The following KIF26B variants were observed in gnomAD, a reference collection of about 807,000 sequenced individuals.
KIF26B encodes kinesin-like protein KIF26B.
Under a neutral mutation model 151.2 loss-of-function variants are expected in KIF26B, and 63 were observed. That is an observed-to-expected ratio of 0.42 (90% CI 0.34 to 0.51). The LOEUF (loss-of-function observed/expected upper bound fraction) is 0.51, where lower values mean the gene tolerates loss of function less well. Ranked by LOEUF, KIF26B falls within the 20% of genes least tolerant of loss-of-function variation. The pLI is 0.07. For synonymous variants in KIF26B, 1,357 were observed against 1,262.1 expected, an observed-to-expected ratio of 1.08 and a Z score of -1.59; for missense variants, 2,813 against 2,913.6, an observed-to-expected ratio of 0.97 and a Z score of 0.79.
intron 2 of KIF26B, among the ~76,000 whole-genome samples, chr1:245,308,553 C>G (rs1671602701): frequency 6.6e-6 from 1 of 152,192 alleles, no homozygotes; most frequent in East Asian, 1.9e-4. Flanking sequence ...ATAGTGAGAC[C>G]TTGCTTCTAC....
intron 2 of KIF26B, among the ~76,000 whole-genome samples, chr1:245,307,841 C>T (rs1353589594): frequency 4.0e-5 from 6 of 151,730 alleles, no homozygotes; most frequent in African/African-American, 9.7e-5. Context: ...CCCGGGTTCA[C>T]GCAATTCTCC....
chr1:245,672,575 A>G (rs2044301581), intron 10 of KIF26B, among the ~76,000 whole-genome samples: 1 of 152,156 alleles, frequency 6.6e-6, no homozygotes, highest in Non-Finnish European at 1.5e-5. Context: ...GCAAGGTTAC[A>G]CCTGTCTGCC....
rs1416977577 is a variant in KIF26B, at chr1:245,391,892, GCAAC to G, written c.999+24528_999+24531del. On this transcript the variant is annotated intron_variant, in intron 3 of 14. Coordinates refer to ENST00000407071, the MANE Select transcript of KIF26B (RefSeq NM_018012.4). ...TATTTACGGTTGCTCTTATGCCAGAGCAACCAGTCCAGACTGGAGCAGATCAGGA... is the reference window on the plus strand; with the variant it reads ...TATTTACGGTTGCTCTTATGCCAGAGCAGTCCAGACTGGAGCAGATCAGGA... 3.9e-5 allele frequency among the ~76,000 whole-genome samples: 6 copies of G among 151,972 alleles called. No individual in the cohort carries two copies. The East Asian group carries it at 1.2e-3, about 29-fold the overall frequency.
intron 4 of KIF26B, among the ~76,000 whole-genome samples, chr1:245,499,517 A>T (rs1308391208): frequency 6.6e-6 from 1 of 152,208 alleles, no homozygotes; most frequent in East Asian, 1.9e-4. Flanking sequence ...GGGACACGTA[A>T]ACTTGGCTGA....
chr1:245,436,890 C>CTTTTTTTTT (rs539810099), intron 4 of KIF26B, among the ~76,000 whole-genome samples: 1 of 122,342 alleles, frequency 8.2e-6, no homozygotes, highest in Non-Finnish European at 1.6e-5. Context: ...TTCTCCCTCT[C>CTTTTTTTTT]TTTTTTTTTT....
At chr1:245,360,171 G>C (rs1261476664) in intron 2 of KIF26B, among the ~76,000 whole-genome samples, 1 of 151,976 alleles carries the variant, frequency 6.6e-6, no homozygotes, top group Admixed American at 6.6e-5. Context: ...CTGCACCCGG[G>C]CTGATTTAAG....
At chr1:245,420,013 T>C (rs1658440392) in intron 4 of KIF26B, among the ~76,000 whole-genome samples, 1 of 152,154 alleles carries the variant, frequency 6.6e-6, no homozygotes, top group Non-Finnish European at 1.5e-5. Flanking sequence ...CAGTCGTGAC[T>C]ACCAAAAATG....
At chr1:245,396,389 AT>A (rs1236539969) in intron 3 of KIF26B, among the ~76,000 whole-genome samples, 1 of 152,198 alleles carries the variant, frequency 6.6e-6, no homozygotes, top group Non-Finnish European at 1.5e-5. Context: ...CAACATAATC[AT>A]TTTTATAATC....
chr1:245,532,466 C>T (rs925518957), intron 4 of KIF26B, among the ~76,000 whole-genome samples: 6 of 151,814 alleles, frequency 4.0e-5, no homozygotes, highest in African/African-American at 9.7e-5. Flanking sequence ...AGGATGGTCT[C>T]GATCTCCCGA....
At chr1:245,598,557 G>A (rs370486555) in intron 5 of KIF26B, among the ~76,000 whole-genome samples, 2 of 152,152 alleles carry the variant, frequency 1.3e-5, no homozygotes, top group Admixed American at 6.5e-5. Context: ...TAGTGGTCAC[G>A]GTGAGAGATG....
intron 5 of KIF26B, among the ~76,000 whole-genome samples, chr1:245,593,636 G>C (rs988429391): frequency 6.6e-6 from 1 of 152,136 alleles, no homozygotes; most frequent in Non-Finnish European, 1.5e-5. Context: ...AAACATACGT[G>C]TGCATGTGTC....
intron 5 of KIF26B, among the ~76,000 whole-genome samples, chr1:245,552,678 T>TA (rs1661922264): frequency 6.6e-6 from 1 of 150,814 alleles, no homozygotes; most frequent in African/African-American, 2.5e-5. Context: ...AGTGGGGCGA[T>TA]CTTGGCTCCC....
At chr1:245,314,298 A>C (rs1487865528) in intron 2 of KIF26B, among the ~76,000 whole-genome samples, 1 of 152,048 alleles carries the variant, frequency 6.6e-6, no homozygotes, top group Non-Finnish European at 1.5e-5. Context: ...AAATACAAAA[A>C]AAAATTAGCC....
intron 10 of KIF26B, among the ~76,000 whole-genome samples, chr1:245,653,708 G>A (rs1290173324): frequency 2.0e-5 from 3 of 152,090 alleles, no homozygotes. Flanking sequence ...AATAACAAGT[G>A]GGGTACAACA....
At chr1:245,438,238 A>G (rs1268413341) in intron 4 of KIF26B, among the ~76,000 whole-genome samples, 1 of 152,114 alleles carries the variant, frequency 6.6e-6, no homozygotes, top group Non-Finnish European at 1.5e-5. Context: ...TCCTGTCCCC[A>G]ACGGATTGCT....
chr1:245,216,605 T>C (rs1164520077), intron 2 of KIF26B, among the ~76,000 whole-genome samples: 2 of 152,230 alleles, frequency 1.3e-5, no homozygotes, highest in Non-Finnish European at 2.9e-5. Context: ...ATTGATGTAT[T>C]GTAGCCTTTC....
At position 245,358,415 on chromosome 1, in the gene KIF26B, G is replaced by A. The variant is rs2103004658; in HGVS notation, c.466-8419G>A. On this transcript the variant is annotated intron_variant, in intron 2 of 14. Transcript: ENST00000407071. The surrounding 1 kb of genome is among the most constrained non-coding windows in gnomAD (Gnocchi z 4.1). ...GGTGCCTGTAGTCCCAGCTACTCGG[G>A]AGGCTGAGGCAGGAGAATGGTGTGA... 6.6e-6 allele frequency among the ~76,000 whole-genome samples: 1 copy of A among 152,268 alleles called. No homozygotes were observed. Among genetic ancestry groups the A allele is most frequent in the East Asian group, 1.9e-4 (1 of 5,170 alleles).
chr1:245,156,527 TCCGGGCTTCGGCACAGGCTCC>T lies in KIF26B; in HGVS notation c.317_337del (p.Phe106_Gly112del), dbSNP rs760640845. ...GTTCGCCGGGCTCCTTGGGCGGCTCTCCGGGCTTCGGCACAGGCTCCCCGGGCTCCGGCAGCGGCGGCGGCT... is the reference window on the plus strand; with the variant it reads ...GTTCGCCGGGCTCCTTGGGCGGCTCTCCGGGCTCCGGCAGCGGCGGCGGCT... On this transcript the variant is annotated inframe_deletion, in exon 2 of 15. Transcript: ENST00000407071. 6.5e-7 allele frequency: 1 copy of T among 1,534,192 alleles called. No homozygotes were observed. The highest frequency in any genetic ancestry group is 1.2e-5 in the South Asian group (1 of 84,118).
At chr1:245,202,619 A>G (rs376519681) in intron 2 of KIF26B, among the ~76,000 whole-genome samples, 4 of 151,958 alleles carry the variant, frequency 2.6e-5, no homozygotes, top group Non-Finnish European at 5.9e-5. Flanking sequence ...AATTAGCCGG[A>G]CGTGGTGGCG....
Sources: allele counts gnomAD v4.1 joint callset (sites outside exome capture counted in the v4.1 genomes callset), GRCh38; gene constraint gnomAD v4.1.1; non-coding constraint Gnocchi (gnomAD v3.1); transcripts MANE v1.5; gene names NCBI Gene and HGNC (gene_info 2026-07-23, HGNC 2026-07-21).